Variants in CNTN5 observed in about 807,000 individuals in gnomAD.
CNTN5 encodes the protein contactin 5.
A neutral mutation model predicts 129.1 loss-of-function variants in CNTN5; 77 were observed. That is an observed-to-expected ratio of 0.60 (90% CI 0.50 to 0.72). The LOEUF (loss-of-function observed/expected upper bound fraction) is 0.72. CNTN5 is among the 30% of genes least tolerant of loss of function. CNTN5 has a pLI of 0.00. For synonymous variants in CNTN5, 509 were observed against 465.6 expected, an observed-to-expected ratio of 1.09 and a Z score of -1.20; for missense variants, 1,478 against 1,328.8, an observed-to-expected ratio of 1.11 and a Z score of -1.75.
At chr11:100,101,457 T>G (rs1945220874) in intron 13 of CNTN5, among the ~76,000 whole-genome samples, 1 of 152,188 alleles carries the variant, frequency 6.6e-6, no homozygotes, top group African/African-American at 2.4e-5. Context: ...ACTCCAATGA[T>G]AGAGAATTTC....
chr11:99,958,222 A>T (rs1157161254), intron 8 of CNTN5, among the ~76,000 whole-genome samples: 1 of 152,228 alleles, frequency 6.6e-6, no homozygotes, highest in East Asian at 1.9e-4. Flanking sequence ...TAAATGACTG[A>T]ACAAAAGCAG....
chr11:99,768,217 AG>A (rs1182017615), intron 3 of CNTN5, among the ~76,000 whole-genome samples: 29 of 152,106 alleles, frequency 1.9e-4, no homozygotes, highest in Admixed American at 1.9e-3. Context: ...TTGTAATTAT[AG>A]ATAGGTAGAT....
chr11:100,081,547 A>T lies in CNTN5; in HGVS notation c.1580+7253A>T, dbSNP rs188373716. 7.2e-5 allele frequency among the ~76,000 whole-genome samples: 11 copies of T among 152,252 alleles called. No individual in the cohort carries two copies. The East Asian group carries it at 2.1e-3, about 29-fold the overall frequency. ...ATTCCACCCCATCTGAACTAATCCA[A>T]CACTTTTTGGACATTATGAATCCAG... On this transcript the variant is annotated intron_variant, in intron 13 of 24. Coordinates refer to ENST00000524871, the MANE Select transcript of CNTN5 (RefSeq NM_014361.4).
intron 1 of CNTN5, among the ~76,000 whole-genome samples, chr11:99,238,520 A>G (rs1013979812): frequency 6.6e-6 from 1 of 152,206 alleles, no homozygotes; most frequent in Admixed American, 6.5e-5. Flanking sequence ...TAGTTTGAGA[A>G]ATTCATTATG....
At chr11:99,087,295 G>A (rs979434301) in intron 1 of CNTN5, among the ~76,000 whole-genome samples, 3 of 152,078 alleles carry the variant, frequency 2.0e-5, no homozygotes, top group African/African-American at 7.2e-5. Context: ...TCAACCTCAG[G>A]TAGCACATGG....
chr11:99,032,135 A>T lies in CNTN5; in HGVS notation c.-210+10865A>T, dbSNP rs1455034191. Among the ~76,000 whole-genome samples the T allele has an allele frequency of 7.9e-5, 12 of 152,014 alleles. No individual in the cohort carries two copies. In the East Asian group the frequency reaches 2.1e-3, roughly 27 times the overall value. The stretch of plus-strand genomic sequence containing the variant: ...GGCTGCATATTATTCCATGGTGTAT[A>T]TGTGCCACATTTTCTTAATCCAGTC... On this transcript the variant is annotated intron_variant, in intron 1 of 24. Transcript: ENST00000524871.
chr11:99,265,178 A>G lies in CNTN5; in HGVS notation c.-209-60168A>G, dbSNP rs1307150959. On this transcript the variant is annotated intron_variant, in intron 1 of 24. Transcript: ENST00000524871. The stretch of plus-strand genomic sequence containing the variant: ...AAGGACCTAGAAGAGTAAGGCATAT[A>G]GAGAAAAATTTGGAATGAGAATAAT... 3.3e-5 allele frequency among the ~76,000 whole-genome samples: 5 copies of G among 150,918 alleles called. 1 individual carries two copies. The highest frequency in any genetic ancestry group is 5.9e-5 in the Non-Finnish European group (4 of 67,738).
chr11:99,788,171 G>A (rs746977631), intron 3 of CNTN5, among the ~76,000 whole-genome samples: 15 of 151,784 alleles, frequency 9.9e-5, no homozygotes, highest in Non-Finnish European at 1.8e-4. Context: ...AAGTTTTTAC[G>A]ATTTTCCGTG....
chr11:99,301,561 G>A (rs1041674986), intron 1 of CNTN5, among the ~76,000 whole-genome samples: 8 of 151,710 alleles, frequency 5.3e-5, no homozygotes, highest in Non-Finnish European at 1.0e-4. Context: ...AAGTATTTAT[G>A]CATCTGACAA....
intron 7 of CNTN5, among the ~76,000 whole-genome samples, chr11:99,924,917 A>G (rs1416992946): frequency 6.6e-6 from 1 of 152,184 alleles, no homozygotes; most frequent in African/African-American, 2.4e-5. Flanking sequence ...TTCTGGCTCT[A>G]TGAAATACAG....
chr11:99,719,901 C>T (rs144917523), intron 3 of CNTN5, among the ~76,000 whole-genome samples: 80 of 152,136 alleles, frequency 5.3e-4, no homozygotes, highest in African/African-American at 1.8e-3. Context: ...CTATGAACAC[C>T]TCTACACACA....
intron 1 of CNTN5, among the ~76,000 whole-genome samples, chr11:99,041,952 C>T (rs1397683285): frequency 6.6e-6 from 1 of 152,130 alleles, no homozygotes. Context: ...GCACCTGTTG[C>T]TCCATTGGCC....
chr11:99,842,100 G>T (rs1270830989), intron 4 of CNTN5, among the ~76,000 whole-genome samples: 1 of 151,796 alleles, frequency 6.6e-6, no homozygotes, highest in Admixed American at 6.6e-5. Context: ...TCACCGTGTT[G>T]GCCAGGCTTC....
chr11:99,545,431 A>G (rs1430270356), intron 2 of CNTN5, among the ~76,000 whole-genome samples: 4 of 152,224 alleles, frequency 2.6e-5, no homozygotes, highest in African/African-American at 4.8e-5. Context: ...ATAACCAAGC[A>G]TAATTACTCT....
intron 1 of CNTN5, among the ~76,000 whole-genome samples, chr11:99,060,516 C>G (rs919196924): frequency 6.6e-6 from 1 of 151,892 alleles, no homozygotes; most frequent in South Asian, 2.1e-4. Flanking sequence ...AGCTTATTAT[C>G]AGGTTGATCA....
intron 1 of CNTN5, among the ~76,000 whole-genome samples, chr11:99,214,839 C>G (rs938853888): frequency 6.6e-6 from 1 of 152,078 alleles, no homozygotes; most frequent in Non-Finnish European, 1.5e-5. Context: ...CTCAGCTACC[C>G]TCCTGATGCT....
At chr11:99,280,588 A>G (rs1368685941) in intron 1 of CNTN5, among the ~76,000 whole-genome samples, 1 of 151,828 alleles carries the variant, frequency 6.6e-6, no homozygotes, top group Non-Finnish European at 1.5e-5. Flanking sequence ...GAACAAACCA[A>G]AATCTCCACC....
intron 3 of CNTN5, among the ~76,000 whole-genome samples, chr11:99,624,951 T>C (rs1245047594): frequency 6.6e-6 from 1 of 152,188 alleles, no homozygotes; most frequent in Admixed American, 6.5e-5. Context: ...ATGGTGTTTG[T>C]TTCACTTGAC....
chr11:99,131,442 C>A (rs1275122248), intron 1 of CNTN5, among the ~76,000 whole-genome samples: 1 of 151,390 alleles, frequency 6.6e-6, no homozygotes, highest in Admixed American at 6.6e-5. Flanking sequence ...CTCAAAAAAC[C>A]CTTCAAAAAT....
Sources: allele counts gnomAD v4.1 joint callset (sites outside exome capture counted in the v4.1 genomes callset), GRCh38; gene constraint gnomAD v4.1.1; transcripts MANE v1.5; gene names NCBI Gene and HGNC (gene_info 2026-07-23, HGNC 2026-07-21).